Variants in PLD5 observed in about 807,000 individuals in gnomAD.
The protein encoded by PLD5 is inactive phospholipase D5.
PLD5 carries 36 observed loss-of-function variants against 61.1 expected under a neutral mutation model. The ratio of observed to expected loss-of-function variants is 0.59; its 90% CI spans 0.45 to 0.78. The LOEUF (loss-of-function observed/expected upper bound fraction) is 0.78. PLD5 is among the 30% of genes least tolerant of loss of function. The probability of loss-of-function intolerance (pLI) is 0.00; values close to 1 mark genes in which losing one functional copy is unlikely to be tolerated. For missense variants in PLD5, 515 were observed against 644.4 expected (o/e 0.80, Z 2.17); for synonymous variants, 243 against 242.8 (o/e 1.00, Z -0.01).
At chr1:242,235,188 C>T (rs555539896) in intron 4 of PLD5, among the ~76,000 whole-genome samples, 1 of 152,242 alleles carries the variant, frequency 6.6e-6, no homozygotes, top group South Asian at 2.1e-4. Context: ...TTATAAGCCT[C>T]ATGAGGGTAA....
intron 4 of PLD5, among the ~76,000 whole-genome samples, chr1:242,229,337 T>G (rs1232510813): frequency 4.6e-5 from 7 of 152,242 alleles, no homozygotes; most frequent in Non-Finnish European, 1.0e-4. Flanking sequence ...AGCTTTAATA[T>G]GTTTGATGAT....
chr1:242,101,924 A>G (rs1001432210), intron 8 of PLD5, among the ~76,000 whole-genome samples: 7 of 152,220 alleles, frequency 4.6e-5, no homozygotes, highest in Non-Finnish European at 1.0e-4. Flanking sequence ...ATTCCACAAC[A>G]CAGGTAAACA....
chr1:242,207,928 A>ATT lies in PLD5; in HGVS notation c.735+12059_735+12060insAA, dbSNP rs1444550703. Among the ~76,000 whole-genome samples, 234 of 24,512 alleles carry ATT rather than the reference A, an allele frequency of 9.5e-3. 68 individuals carry two copies. The highest frequency in any genetic ancestry group is 0.058 in the African/African-American group (221 of 3,830). 16.1% of individuals were successfully genotyped at this position (24,512 alleles called of 152,430 possible). A position where few individuals can be genotyped will look rare whatever the true frequency, so the allele number is the denominator to read the frequency against. On this transcript the variant is annotated intron_variant, in intron 5 of 9. Transcript: ENST00000536534. Reference sequence around the variant, plus strand: ...TTTATATATATTTATATATTTATATATATTTATATATTTATATATATTTAT... The same window carrying ATT: ...TTTATATATATTTATATATTTATATATTTATTTATATATTTATATATATTTAT...
intron 2 of PLD5, among the ~76,000 whole-genome samples, chr1:242,326,763 GTGGCA>G (rs1326387706): frequency 6.6e-6 from 1 of 152,056 alleles, no homozygotes; most frequent in Non-Finnish European, 1.5e-5. Context: ...CTAGAGTGCA[GTGGCA>G]TGATCACAGC....
chr1:242,516,250 TTATATATA>T (rs57043354), intron 1 of PLD5, among the ~76,000 whole-genome samples: 6,451 of 138,564 alleles, frequency 0.047, 151 homozygotes, highest in Non-Finnish European at 0.053. Flanking sequence ...TAAAGTTAAA[TTATATATA>T]TATATATATA....
intron 1 of PLD5, among the ~76,000 whole-genome samples, chr1:242,403,468 C>CTTT (rs199559256): frequency 7.2e-6 from 1 of 139,014 alleles, no homozygotes; most frequent in African/African-American, 2.7e-5. Flanking sequence ...CTTGGATAGG[C>CTTT]TTTTTTTTTT....
At chr1:242,305,147 C>A (rs1305768316) in intron 2 of PLD5, among the ~76,000 whole-genome samples, 1 of 152,118 alleles carries the variant, frequency 6.6e-6, no homozygotes, top group Non-Finnish European at 1.5e-5. Context: ...TCTATTCACG[C>A]ACTTTTAAGA....
At chr1:242,147,795 C>A (rs1480179333) in intron 5 of PLD5, among the ~76,000 whole-genome samples, 1 of 152,148 alleles carries the variant, frequency 6.6e-6, no homozygotes, top group Non-Finnish European at 1.5e-5. Context: ...TATTTATATA[C>A]TGACTTGCTG....
At chr1:242,247,908 G>A (rs1436295489) in intron 4 of PLD5, among the ~76,000 whole-genome samples, 1 of 152,152 alleles carries the variant, frequency 6.6e-6, no homozygotes, top group Non-Finnish European at 1.5e-5. Context: ...GAAGGCAATA[G>A]GCCTGCAGAA....
In PLD5 at chr1:242,432,141, G is replaced by A. The variant is rs558250440; in HGVS notation, c.190-83899C>T. On this transcript the variant is annotated intron_variant, in intron 1 of 9. Transcript: ENST00000536534. ...GCATTGTGACTGATAAAGTTTTACTGGGCACCCATTTACTGTGTATAATGA... is the reference window on the plus strand; with the variant it reads ...GCATTGTGACTGATAAAGTTTTACTAGGCACCCATTTACTGTGTATAATGA... Among the ~76,000 whole-genome samples, 11 of 152,272 alleles carry A rather than the reference G, an allele frequency of 7.2e-5. No homozygotes were observed. In the South Asian group the frequency reaches 2.1e-3, roughly 29 times the overall value.
intron 1 of PLD5, among the ~76,000 whole-genome samples, chr1:242,493,887 C>CA (rs1668260005): frequency 1.3e-5 from 2 of 152,184 alleles, no homozygotes; most frequent in African/African-American, 2.4e-5. Context: ...TTCCTGACTG[C>CA]AAAAATCCCT....
intron 1 of PLD5, among the ~76,000 whole-genome samples, chr1:242,463,758 A>T (rs1667191696): frequency 8.9e-6 from 1 of 112,148 alleles, no homozygotes. Flanking sequence ...TGGCAATTAT[A>T]CCCTCTTCTA....
intron 6 of PLD5, among the ~76,000 whole-genome samples, chr1:242,118,505 T>G (rs937486079): frequency 6.6e-6 from 1 of 152,264 alleles, no homozygotes; most frequent in Non-Finnish European, 1.5e-5. Flanking sequence ...TGCCTGGTTG[T>G]GTATCTCTGG....
At position 242,088,220 on chromosome 1, in the gene PLD5, G is replaced by T. The variant is rs896691352; in HGVS notation, c.*1634C>A. 10 of 152,144 alleles carry T rather than the reference G, an allele frequency of 6.6e-5. No individual in the cohort carries two copies. Among genetic ancestry groups the T allele is most frequent in the Non-Finnish European group, 1.5e-4 (10 of 68,024 alleles). 9.4% of individuals were successfully genotyped at this position (152,144 alleles called of 1,614,324 possible). A position where few individuals can be genotyped will look rare whatever the true frequency, so the allele number is the denominator to read the frequency against. On this transcript the variant is annotated 3_prime_UTR_variant, in exon 10 of 10. Coordinates refer to ENST00000536534, the MANE Select transcript of PLD5 (RefSeq NM_001372062.1). The stretch of plus-strand genomic sequence containing the variant: ...CAGCTCTAGCACGACGTCTAGTTTT[G>T]TGTTGATGTTATTCATGCCAAAGCA...
chr1:242,289,068 A>T (rs1011580794), intron 2 of PLD5, among the ~76,000 whole-genome samples: 1 of 152,230 alleles, frequency 6.6e-6, no homozygotes, highest in Non-Finnish European at 1.5e-5. Flanking sequence ...GAAGAAAATT[A>T]TAAAACCTGC....
intron 5 of PLD5, among the ~76,000 whole-genome samples, chr1:242,183,771 G>A (rs1449137579): frequency 7.5e-6 from 1 of 132,770 alleles, no homozygotes. Flanking sequence ...GCGGGCCCCT[G>A]TAGTCCCAGC....
In PLD5 at chr1:242,256,162, G is replaced by C. The variant is rs1673001026; in HGVS notation, c.607+9175C>G. 6.6e-6 allele frequency among the ~76,000 whole-genome samples: 1 copy of C among 152,148 alleles called. No homozygotes were observed. Among genetic ancestry groups the C allele is most frequent in the African/African-American group, 2.4e-5 (1 of 41,442 alleles). ...TGAGACAGTCACTCAGCAAATGTAT[G>C]ACTTGAGTCACAAGGGGAGCAGATG... On this transcript the variant is annotated intron_variant, in intron 4 of 9. Coordinates refer to ENST00000536534, the MANE Select transcript of PLD5 (RefSeq NM_001372062.1). This position sits in a 1 kb window ranked among gnomAD's most constrained non-coding sequence, Gnocchi z 5.7.
At chr1:242,528,350 C>T (rs1250592237), upstream of PLD5, among the ~76,000 whole-genome samples, 1 of 152,126 alleles carries the variant, frequency 6.6e-6, no homozygotes, top group Non-Finnish European at 1.5e-5. Context: ...TTATGTCATT[C>T]TAATAAGTTA....
intron 1 of PLD5, among the ~76,000 whole-genome samples, chr1:242,463,075 C>A (rs1311079764): frequency 6.6e-6 from 1 of 152,186 alleles, no homozygotes; most frequent in Non-Finnish European, 1.5e-5. Flanking sequence ...TCTGTAATGT[C>A]AATCTCATGC....
Sources: allele counts gnomAD v4.1 joint callset (sites outside exome capture counted in the v4.1 genomes callset), GRCh38; gene constraint gnomAD v4.1.1; non-coding constraint Gnocchi (gnomAD v3.1); transcripts MANE v1.5; gene names NCBI Gene and HGNC (gene_info 2026-07-23, HGNC 2026-07-21).